AFF1: variants seen among roughly 807,000 people sequenced by gnomAD.
The protein encoded by AFF1 is AF4/FMR2 family member 1.
In AFF1, 48 loss-of-function variants were observed where a neutral mutation model predicts 121.7. That is an observed-to-expected ratio of 0.39 (90% CI 0.31 to 0.50). AFF1 has a LOEUF of 0.50. AFF1 is among the 20% of genes least tolerant of loss of function. The probability of loss-of-function intolerance (pLI) is 0.76; values close to 1 mark genes in which losing one functional copy is unlikely to be tolerated. For synonymous variants in AFF1, 613 were observed against 563.0 expected (o/e 1.09, Z -1.26); for missense variants, 1,523 against 1,511.7 (o/e 1.01, Z -0.12).
intron 2 of AFF1, among the ~76,000 whole-genome samples, chr4:86,986,673 TATC>T (rs1474012196): frequency 6.6e-6 from 1 of 152,002 alleles, no homozygotes; most frequent in Non-Finnish European, 1.5e-5. Context: ...CTAAGAGACA[TATC>T]AACCCTTAAT....
intron 2 of AFF1, among the ~76,000 whole-genome samples, chr4:87,012,004 T>A (rs573243835): frequency 6.6e-6 from 1 of 152,344 alleles, no homozygotes; most frequent in South Asian, 2.1e-4. Flanking sequence ...TCTAAAAATT[T>A]TAAATTTCAA....
At position 87,137,479 on chromosome 4, in the gene AFF1, C is replaced by A. The variant is rs375767019; in HGVS notation, c.*1778C>A. 4.5e-6 allele frequency: 1 copy of A among 222,274 alleles called. No homozygotes were observed. The allele number at this position is 222,274 out of a possible 1,614,324, so 13.8% of individuals were successfully genotyped here. On this transcript the variant is annotated 3_prime_UTR_variant, in exon 21 of 21. Coordinates refer to ENST00000395146, the MANE Select transcript of AFF1 (RefSeq NM_001166693.3). ...CCTTCAGTTTCTTCTCCAGACTGTTCTTTGGTTGTCACTAAGTCAGAGGTC... is the reference window on the plus strand; with the variant it reads ...CCTTCAGTTTCTTCTCCAGACTGTTATTTGGTTGTCACTAAGTCAGAGGTC...
chr4:87,085,090 A>T (rs1173926811), intron 5 of AFF1, among the ~76,000 whole-genome samples: 1 of 152,248 alleles, frequency 6.6e-6, no homozygotes, highest in Non-Finnish European at 1.5e-5. Flanking sequence ...TATGCCATGA[A>T]CATTTGTGCT....
intron 2 of AFF1, among the ~76,000 whole-genome samples, chr4:86,995,130 G>T (rs1174456661): frequency 6.6e-6 from 1 of 152,190 alleles, no homozygotes; most frequent in Non-Finnish European, 1.5e-5. Context: ...CTACTCAGGA[G>T]GCTGAGGTAG....
At chr4:87,045,562 A>G (rs1730603864) in intron 2 of AFF1, among the ~76,000 whole-genome samples, 1 of 152,096 alleles carries the variant, frequency 6.6e-6, no homozygotes, top group Admixed American at 6.5e-5. Flanking sequence ...GACATCTATA[A>G]TTGGATTTTC....
intron 10 of AFF1, among the ~76,000 whole-genome samples, chr4:87,107,392 T>G (rs577707595): frequency 9.2e-5 from 14 of 152,230 alleles, no homozygotes; most frequent in Admixed American, 3.3e-4. Flanking sequence ...TCTTACTAAC[T>G]TAGATTTATT....
chr4:87,112,323 C>T (rs1011476581), intron 11 of AFF1, among the ~76,000 whole-genome samples: 1 of 152,206 alleles, frequency 6.6e-6, no homozygotes, highest in Non-Finnish European at 1.5e-5. Flanking sequence ...TGGTTTCCTT[C>T]TTCCCTCCCT....
At chr4:87,090,997 G>C (rs1724239200) in intron 6 of AFF1, among the ~76,000 whole-genome samples, 1 of 133,512 alleles carries the variant, frequency 7.5e-6, no homozygotes, top group African/African-American at 2.8e-5. Flanking sequence ...CCTAGACAAC[G>C]GTGAGACCCC....
intron 2 of AFF1, among the ~76,000 whole-genome samples, chr4:86,962,106 C>T (rs796346069): frequency 9.9e-5 from 15 of 150,864 alleles, no homozygotes; most frequent in African/African-American, 2.0e-4. Context: ...AGGGTATGCA[C>T]GAGCTGAGAT....
intron 2 of AFF1, among the ~76,000 whole-genome samples, chr4:86,951,623 C>CTTTTTTTTT (rs1285365564): frequency 3.5e-4 from 24 of 69,434 alleles, no homozygotes; most frequent in African/African-American, 8.3e-4. Context: ...TTCTTTTTTT[C>CTTTTTTTTT]TTTTTTTTTT....
chr4:87,052,734 G>A (rs1731397932), intron 4 of AFF1, among the ~76,000 whole-genome samples: 1 of 151,976 alleles, frequency 6.6e-6, no homozygotes, highest in Admixed American at 6.6e-5. Context: ...AAATGATAGT[G>A]GCTTGGGGTA....
chr4:87,036,311 T>A (rs1357185596), intron 2 of AFF1, among the ~76,000 whole-genome samples: 2 of 152,198 alleles, frequency 1.3e-5, no homozygotes, highest in Admixed American at 1.3e-4. Flanking sequence ...AATTTGTCAG[T>A]AACATCAATA....
rs189404970 is a variant in AFF1, at chr4:87,049,526, A to G, written c.1059+1932A>G. ...TAGGACTATGTTAATTGGCTCTTGCATGTTTTCTGAGGAACAAAATCCTCC... is the reference window on the plus strand; with the variant it reads ...TAGGACTATGTTAATTGGCTCTTGCGTGTTTTCTGAGGAACAAAATCCTCC... On this transcript the variant is annotated intron_variant, in intron 4 of 20. Coordinates refer to ENST00000395146, the MANE Select transcript of AFF1 (RefSeq NM_001166693.3). 703 of 387,878 alleles carry G rather than the reference A, an allele frequency of 1.8e-3. 8 individuals carry two copies. Among genetic ancestry groups the G allele is most frequent in the African/African-American group, 0.013 (619 of 47,704 alleles). 24.0% of individuals were successfully genotyped at this position (387,878 alleles called of 1,614,324 possible).
intron 13 of AFF1, among the ~76,000 whole-genome samples, 197 bp from the exon 14 acceptor site, chr4:87,125,902 C>T (rs1014363601): frequency 2.6e-5 from 4 of 152,164 alleles, no homozygotes; most frequent in Non-Finnish European, 5.9e-5. Context: ...AGAAACTATA[C>T]AGCTTCATTT....
chr4:87,095,158 G>T (rs1724704781), intron 8 of AFF1, among the ~76,000 whole-genome samples, 189 bp downstream of exon 8: 1 of 152,110 alleles, frequency 6.6e-6, no homozygotes, highest in African/African-American at 2.4e-5. Context: ...TAACTCTGTT[G>T]CCCAGGTGGG....
At chr4:87,030,685 T>A (rs1728986863) in intron 2 of AFF1, among the ~76,000 whole-genome samples, 1 of 152,028 alleles carries the variant, frequency 6.6e-6, no homozygotes, top group Non-Finnish European at 1.5e-5. Flanking sequence ...CATTTCACAT[T>A]GTTAATGTTG....
intron 12 of AFF1, among the ~76,000 whole-genome samples, chr4:87,121,077 CTG>C (rs1727639938): frequency 6.6e-6 from 1 of 152,164 alleles, no homozygotes; most frequent in African/African-American, 2.4e-5. Context: ...GCAAACAAGT[CTG>C]TGAGGACCAA....
chr4:87,096,367 A>G (rs558073638), intron 8 of AFF1, among the ~76,000 whole-genome samples: 1 of 132,026 alleles, frequency 7.6e-6, no homozygotes. Flanking sequence ...ACAGAGGACT[A>G]CAGACTACAG....
chr4:87,135,442 T>C, intron 20 of AFF1, 138 bp from the exon 21 acceptor site: 3 of 874,198 alleles, frequency 3.4e-6, no homozygotes, highest in Non-Finnish European at 4.9e-6. Context: ...TTACAGTAGA[T>C]TGTGATTTTT....
Sources: gnomAD v4.1 joint callset for allele counts (sites outside exome capture counted in the v4.1 genomes callset) on GRCh38, gnomAD v4.1.1 for gene constraint, MANE v1.5 for transcripts, NCBI Gene and HGNC (gene_info 2026-07-23, HGNC 2026-07-21) for gene names.